Variants in NIPA2 observed in about 807,000 individuals in gnomAD.
The protein encoded by NIPA2 is NIPA magnesium transporter 2, also known as magnesium transporter NIPA2.
In NIPA2, 11 loss-of-function variants were observed where a neutral mutation model predicts 29.7. The ratio of observed to expected loss-of-function variants is 0.37; its 90% CI spans 0.23 to 0.61. The LOEUF (loss-of-function observed/expected upper bound fraction) is 0.61. Among genes scored for constraint, NIPA2 ranks in the 20% least tolerant of loss-of-function variants. The pLI is 0.66. For missense variants in NIPA2, 426 were observed against 437.9 expected (o/e 0.97, Z 0.24); for synonymous variants, 183 against 161.9 (o/e 1.13, Z -0.99).
chr15:22,855,260 C>A (rs893545528), intron 5 of NIPA2, among the ~76,000 whole-genome samples: 2 of 146,016 alleles, frequency 1.4e-5, no homozygotes, highest in African/African-American at 2.6e-5. Flanking sequence ...AAAAAAAAAA[C>A]AAAAGAATTA....
intron 7 of NIPA2, among the ~76,000 whole-genome samples, chr15:22,865,832 G>GT (rs896757859): frequency 6.6e-6 from 1 of 152,036 alleles, no homozygotes; most frequent in Non-Finnish European, 1.5e-5. Flanking sequence ...TTGTTTTTGT[G>GT]TTTTTTGTTT....
rs1363744655 is a variant in NIPA2 at position 22,866,268 on chromosome 15, G to C, written c.504G>C (p.Val168=). The change falls in exon 8 of 8, where the codon GTG becomes GTC. Residue 168 remains valine, a synonymous_variant. Coordinates refer to ENST00000337451, the MANE Select transcript of NIPA2 (RefSeq NM_030922.7). ...TTGTGGCCTTGATATTAATCTTCGT[G>C]GTGGGTCCTCGCCATGGACAGACAA... ...VVIVALILIF[V]VGPRHGQTNI... 6.2e-7 allele frequency: 1 copy of C among 1,613,846 alleles called. No homozygotes were observed.
intron 3 of NIPA2, among the ~76,000 whole-genome samples, chr15:22,847,289 T>G (rs1352344091): frequency 2.0e-5 from 3 of 152,130 alleles, no homozygotes; most frequent in Non-Finnish European, 4.4e-5. Flanking sequence ...GTAAGAAGGT[T>G]CAATTTTATT....
At chr15:22,842,818 G>T (rs1897454592) in intron 2 of NIPA2, among the ~76,000 whole-genome samples, 1 of 150,262 alleles carries the variant, frequency 6.7e-6, no homozygotes, top group African/African-American at 2.5e-5. Flanking sequence ...GATAGAGCGA[G>T]ACTCTGCATC....
At chr15:22,855,887 C>T (rs2058141568) in intron 5 of NIPA2, among the ~76,000 whole-genome samples, 1 of 152,186 alleles carries the variant, frequency 6.6e-6, no homozygotes, top group African/African-American at 2.4e-5. Flanking sequence ...ATACATAGCC[C>T]TCAGTGACTC....
chr15:22,843,097 A>G (rs1897575392), intron 2 of NIPA2, among the ~76,000 whole-genome samples: 1 of 151,564 alleles, frequency 6.6e-6, no homozygotes, highest in Non-Finnish European at 1.5e-5. Context: ...TCTTGCTACA[A>G]ACAGGGGTCG....
In NIPA2 at chr15:22,867,880, A is replaced by AAAC. The variant is rs781094711; in HGVS notation, c.*1035_*1037dup. On this transcript the variant is annotated 3_prime_UTR_variant, in exon 8 of 8. Transcript: ENST00000337451. ...TATGAAGAAGTCGATGGAAAACTGC[A>AAAC]AACATATGCAGAAAAGGTAGAATAA... 1 of 152,232 alleles carries AAAC rather than the reference A, an allele frequency of 6.6e-6. No homozygotes were observed. Among genetic ancestry groups the AAAC allele is most frequent in the African/African-American group, 2.4e-5 (1 of 41,456 alleles). 9.4% of individuals were successfully genotyped at this position (152,232 alleles called of 1,614,324 possible).
At chr15:22,848,355 C>T (rs1269059720) in intron 3 of NIPA2, among the ~76,000 whole-genome samples, 2 of 152,052 alleles carry the variant, frequency 1.3e-5, no homozygotes, top group East Asian at 1.9e-4. Flanking sequence ...TTTAGGATGC[C>T]AATCTAAATG....
intron 5 of NIPA2, among the ~76,000 whole-genome samples, chr15:22,857,075 T>C (rs1196575997): frequency 6.6e-6 from 1 of 150,846 alleles, no homozygotes; most frequent in Admixed American, 6.6e-5. Flanking sequence ...TCACTGTTTT[T>C]CTTCATAACA....
In NIPA2 at chr15:22,838,898, C is replaced by G. The variant is rs1441240083; in HGVS notation, c.-375C>G. 6.6e-5 allele frequency: 10 copies of G among 152,280 alleles called. No homozygotes were observed. The allele number at this position is 152,280 out of a possible 1,614,324, so 9.4% of individuals were successfully genotyped here. A position where few individuals can be genotyped will look rare whatever the true frequency, so the allele number is the denominator to read the frequency against. On this transcript the variant is annotated 5_prime_UTR_variant, in exon 1 of 8. Transcript: ENST00000337451. ...CAAGGCTGCGCCGGCGAGGGGAAGC[C>G]GCGCGGCCGGCCGGCCGACTAGGGT...
Position 22,847,106 on chromosome 15 carries a change from A to G in NIPA2, c.-94+1839A>G, listed in dbSNP as rs143320399. 6.2e-4 allele frequency among the ~76,000 whole-genome samples: 94 copies of G among 151,602 alleles called. 3 individuals carry two copies. In the East Asian group the frequency reaches 0.016, roughly 26 times the overall value. ...TTTTTAGTAGAGACAGGGTTTCTCCATGTTGGTCAGGCTGGTCTCGAACTC... is the reference window on the plus strand; with the variant it reads ...TTTTTAGTAGAGACAGGGTTTCTCCGTGTTGGTCAGGCTGGTCTCGAACTC... On this transcript the variant is annotated intron_variant, in intron 3 of 7. Coordinates refer to ENST00000337451, the MANE Select transcript of NIPA2 (RefSeq NM_030922.7).
rs1898272936 is a variant in NIPA2 at position 22,845,241 on chromosome 15, T to G, written c.-120T>G. On this transcript the variant is annotated 5_prime_UTR_variant, in exon 3 of 8. Coordinates refer to ENST00000337451, the MANE Select transcript of NIPA2 (RefSeq NM_030922.7). ...GAAGCAACTCATTCCTTTCAGGACATTCCCTCTGATGTCCTATTTTCAAAC... is the reference window on the plus strand; with the variant it reads ...GAAGCAACTCATTCCTTTCAGGACAGTCCCTCTGATGTCCTATTTTCAAAC... 1 of 152,094 alleles carries G rather than the reference T, an allele frequency of 6.6e-6. No individual in the cohort carries two copies. The highest frequency in any genetic ancestry group is 2.4e-5 in the African/African-American group (1 of 41,400). The allele number at this position is 152,094 out of a possible 1,614,324, so 9.4% of individuals were successfully genotyped here. A position where few individuals can be genotyped will look rare whatever the true frequency, so the allele number is the denominator to read the frequency against.
At chr15:22,841,404 C>T (rs577897781) in intron 2 of NIPA2, among the ~76,000 whole-genome samples, 11 of 152,270 alleles carry the variant, frequency 7.2e-5, no homozygotes, top group African/African-American at 2.6e-4. Flanking sequence ...GTAATGGCTC[C>T]AGATGAAAAT....
chr15:22,865,036 A>C (rs2058891278), intron 7 of NIPA2, among the ~76,000 whole-genome samples: 1 of 151,904 alleles, frequency 6.6e-6, no homozygotes, highest in Non-Finnish European at 1.5e-5. Context: ...TAATTTTTGT[A>C]TTTTTAGAAG....
In NIPA2 at chr15:22,866,361, G is replaced by T. The variant is rs3812922; in HGVS notation, c.597G>T (p.Leu199=). 44,768 of 1,613,990 alleles carry T rather than the reference G, an allele frequency of 0.028. 1,587 individuals carry two copies. The highest frequency in any genetic ancestry group is 0.21 in the East Asian group (9,330 of 44,858). ...GAFSVSCVKG[L]GIAIKELFAG... is the part of the protein sequence containing the mutation. ...TTTCAGTCTCCTGTGTGAAGGGCCTGGGCATTGCTATCAAGGAGCTGTTTG... is the reference window on the plus strand; with the variant it reads ...TTTCAGTCTCCTGTGTGAAGGGCCTTGGCATTGCTATCAAGGAGCTGTTTG... The change falls in exon 8 of 8, where the codon CTG becomes CTT. Residue 199 remains leucine, a synonymous_variant. Transcript: ENST00000337451.
chr15:22,859,007 C>G lies in NIPA2; in HGVS notation c.287+377C>G, dbSNP rs941627256. Among the ~76,000 whole-genome samples the G allele has an allele frequency of 2.8e-4, 42 of 152,052 alleles. 1 individual carries two copies. Among genetic ancestry groups the G allele is most frequent in the African/African-American group, 8.7e-4 (36 of 41,378 alleles). On this transcript the variant is annotated intron_variant, in intron 6 of 7. Transcript: ENST00000337451. Reference sequence around the variant, plus strand: ...AGCCTAACATGGTAAAACCCTGTCTCTACTAAAAATACAAAAATTAGCTGG... The same window carrying G: ...AGCCTAACATGGTAAAACCCTGTCTGTACTAAAAATACAAAAATTAGCTGG...
At chr15:22,847,535 G>T (rs28525091) in intron 3 of NIPA2, among the ~76,000 whole-genome samples, 10,936 of 151,850 alleles carry the variant, frequency 0.072, 753 homozygotes, top group African/African-American at 0.18. Flanking sequence ...GGTGATCTCG[G>T]CTTACTGAAA....
chr15:22,845,372 A>G (rs923423502), intron 3 of NIPA2, 105 bp downstream of exon 3: 2 of 152,126 alleles, frequency 1.3e-5, no homozygotes, highest in African/African-American at 4.8e-5. Flanking sequence ...CCCTCCACAC[A>G]TACACCCTGG....
At chr15:22,861,548 C>T (rs916044886) in intron 7 of NIPA2, among the ~76,000 whole-genome samples, 1 of 152,072 alleles carries the variant, frequency 6.6e-6, no homozygotes, top group Non-Finnish European at 1.5e-5. Flanking sequence ...TGTTTTTAAC[C>T]TATTGTGACC....
Sources: gnomAD v4.1 joint callset for allele counts (sites outside exome capture counted in the v4.1 genomes callset) on GRCh38, gnomAD v4.1.1 for gene constraint, MANE v1.5 for transcripts, NCBI Gene and HGNC (gene_info 2026-07-23, HGNC 2026-07-21) for gene names.